GRAMD4: variants seen among roughly 807,000 people sequenced by gnomAD.
The protein encoded by GRAMD4 is GRAM domain-containing protein 4.
Under a neutral mutation model 83.9 loss-of-function variants are expected in GRAMD4, and 25 were observed. That is an observed-to-expected ratio of 0.30 (90% CI 0.22 to 0.42). The LOEUF is 0.42. Ranked by LOEUF, GRAMD4 falls within the 10% of genes least tolerant of loss-of-function variation. GRAMD4 has a pLI of 1.00. For synonymous variants in GRAMD4, 336 were observed against 320.9 expected, an observed-to-expected ratio of 1.05 and a Z score of -0.50; for missense variants, 593 against 788.7, an observed-to-expected ratio of 0.75 and a Z score of 2.97.
chr22:46,620,472 T>C lies in GRAMD4; in HGVS notation c.-143T>C. 2 of 984,956 alleles carry C rather than the reference T, an allele frequency of 2.0e-6. No homozygotes were observed. Among genetic ancestry groups the C allele is most frequent in the Non-Finnish European group, 2.4e-6 (2 of 829,764 alleles). The allele number at this position is 984,956 out of a possible 1,614,324, so 61.0% of individuals were successfully genotyped here. On this transcript the variant is annotated 5_prime_UTR_variant, in exon 1 of 19. Transcript: ENST00000406902. The surrounding 1 kb of genome is among the most constrained non-coding windows in gnomAD (Gnocchi z 4.7). ...GTGTTGGGCGGCTTGGAGGCTATGG[T>C]TCCTGGGTCCTCGTAGCACATCCTG... is the stretch of plus-strand genomic sequence containing the variant.
At chr22:46,607,586 C>G (rs1417998425) in intron 1 of GRAMD4, among the ~76,000 whole-genome samples, 1 of 152,212 alleles carries the variant, frequency 6.6e-6, no homozygotes, top group Non-Finnish European at 1.5e-5. Flanking sequence ...TTGCTCCTCC[C>G]TGGATGCATC....
At chr22:46,591,862 G>A (rs1484067336) in intron 1 of GRAMD4, among the ~76,000 whole-genome samples, 1 of 140,080 alleles carries the variant, frequency 7.1e-6, no homozygotes, top group African/African-American at 2.7e-5. Context: ...ACCCAGAAAG[G>A]CCAACCCCCG....
At chr22:46,585,782 C>T (rs1256259810) in intron 1 of GRAMD4, among the ~76,000 whole-genome samples, 1 of 152,180 alleles carries the variant, frequency 6.6e-6, no homozygotes, top group African/African-American at 2.4e-5. Context: ...GGAGGGCTCC[C>T]TGGAGCGATG....
Position 46,675,564 on chromosome 22 carries a change from T to G in GRAMD4, c.1563+12T>G. On this transcript the variant is annotated intron_variant, in intron 17 of 18. Transcript: ENST00000406902. ...CGGACATCCAGAAGGTTGGTGCACC[T>G]ACCCACCCCCACTAACCCCCGTGTT... The G allele has an allele frequency of 5.8e-6, 9 of 1,541,294 alleles. No individual in the cohort carries two copies. Among genetic ancestry groups the G allele is most frequent in the Non-Finnish European group, 7.2e-6 (8 of 1,113,842 alleles).
intron 2 of GRAMD4, among the ~76,000 whole-genome samples, chr22:46,635,182 G>A (rs531676227): frequency 7.8e-5 from 11 of 141,466 alleles, no homozygotes; most frequent in East Asian, 4.1e-4. Flanking sequence ...CTGGGGAACC[G>A]TGTCCTCCCT....
rs1381118132 is a variant in GRAMD4 at position 46,652,314 on chromosome 22, G to A, written c.284-5873G>A. The stretch of plus-strand genomic sequence containing the variant: ...TTGCTCCCTGGGGGCCGCAAGCCAA[G>A]GAGCACAGGAGCCTCAGGAAGCTGG... On this transcript the variant is annotated intron_variant, in intron 3 of 18. Transcript: ENST00000406902. Among the ~76,000 whole-genome samples, 3 of 152,166 alleles carry A rather than the reference G, an allele frequency of 2.0e-5. No homozygotes were observed. The East Asian group carries it at 5.8e-4, about 29-fold the overall frequency.
At chr22:46,619,173 A>T (rs935176774), upstream of GRAMD4, among the ~76,000 whole-genome samples, 5 of 152,196 alleles carry the variant, frequency 3.3e-5, no homozygotes, top group Non-Finnish European at 5.9e-5. Context: ...TGATGTTGGA[A>T]CAATAGTGGC....
intron 3 of GRAMD4, among the ~76,000 whole-genome samples, chr22:46,640,520 C>T (rs937326003): frequency 3.3e-5 from 5 of 152,168 alleles, no homozygotes; most frequent in African/African-American, 9.7e-5. Context: ...GAGCTGCTGG[C>T]GTCCCTGGAC....
chr22:46,604,544 T>G (rs2081346893), intron 1 of GRAMD4, among the ~76,000 whole-genome samples: 2 of 152,332 alleles, frequency 1.3e-5, no homozygotes, highest in South Asian at 4.1e-4. Flanking sequence ...CACAAAGCAC[T>G]GACTCTCCAG....
At chr22:46,638,228 C>A (rs1380764469) in intron 3 of GRAMD4, among the ~76,000 whole-genome samples, 1 of 152,208 alleles carries the variant, frequency 6.6e-6, no homozygotes, top group Non-Finnish European at 1.5e-5. Context: ...GGCGTGGGGG[C>A]CTTTCCCCTG....
In GRAMD4 at chr22:46,588,034, A is replaced by C. The variant is rs190285152; in HGVS notation, c.-50+10744A>C. ...GAGTGGGTGGTGTCTACTTGGCTCTAGATGTCGGGTTTAGAGAGAGACTCT... is the reference window on the plus strand; with the variant it reads ...GAGTGGGTGGTGTCTACTTGGCTCTCGATGTCGGGTTTAGAGAGAGACTCT... On this transcript the variant is annotated intron_variant, in intron 1 of 1. Transcript: ENST00000431155. The C allele has an allele frequency of 3.1e-3, 2,509 of 803,620 alleles. 50 individuals are homozygous for C. The African/African-American group carries it at 0.043, about 14-fold the overall frequency. The allele number at this position is 803,620 out of a possible 1,614,324, so 49.8% of individuals were successfully genotyped here.
intron 3 of GRAMD4, among the ~76,000 whole-genome samples, chr22:46,650,622 G>A (rs770600520): frequency 9.9e-5 from 15 of 152,266 alleles, no homozygotes; most frequent in Non-Finnish European, 1.8e-4. Context: ...AGATGCTGGG[G>A]AGGCGTGAAG....
intron 13 of GRAMD4, 44 bp downstream of exon 13, chr22:46,668,952 A>C: frequency 1.8e-6 from 2 of 1,107,640 alleles, no homozygotes; most frequent in Non-Finnish European, 2.8e-6. Context: ...GAGGAGGGAC[A>C]CAGGTGTCCG....
intron 1 of GRAMD4, among the ~76,000 whole-genome samples, chr22:46,594,544 G>A (rs1481064817): frequency 6.6e-6 from 1 of 151,546 alleles, no homozygotes; most frequent in Non-Finnish European, 1.5e-5. Flanking sequence ...GGTAGAGGAA[G>A]GGGCATTGCT....
intron 1 of GRAMD4, among the ~76,000 whole-genome samples, chr22:46,579,850 G>T (rs1282273521): frequency 6.6e-6 from 1 of 152,200 alleles, no homozygotes; most frequent in Non-Finnish European, 1.5e-5. Context: ...AGGCGTCCCT[G>T]TATGTGGGCT....
chr22:46,584,534 C>T (rs1311548362), intron 1 of GRAMD4, among the ~76,000 whole-genome samples: 4 of 152,170 alleles, frequency 2.6e-5, no homozygotes, highest in Admixed American at 1.3e-4. Flanking sequence ...AGACTCCCAC[C>T]GCTTGCCACA....
chr22:46,616,194 G>A (rs1181177887), upstream of GRAMD4, among the ~76,000 whole-genome samples: 1 of 83,462 alleles, frequency 1.2e-5, no homozygotes, highest in Non-Finnish European at 2.3e-5. Context: ...CTGTGTGTAC[G>A]TTCCCCTGTA....
intron 1 of GRAMD4, among the ~76,000 whole-genome samples, chr22:46,604,188 A>G (rs9615392): frequency 0.34 from 51,754 of 152,036 alleles, 9,367 homozygotes; most frequent in Non-Finnish European, 0.39. Context: ...TTTGCGTGGC[A>G]GGGCTGGCCT....
At position 46,678,958 on chromosome 22, in the gene GRAMD4, T is replaced by A. The variant is rs1056610178; in HGVS notation, c.*1707T>A. On this transcript the variant is annotated 3_prime_UTR_variant, in exon 19 of 19. Coordinates refer to ENST00000406902, the MANE Select transcript of GRAMD4 (RefSeq NM_015124.5). The stretch of plus-strand genomic sequence containing the variant: ...TGACCACACGGCGGCCTTTCCCGAA[T>A]GGGGACAGAACCCGCTCTGAGCCGT... The A allele has an allele frequency of 4.1e-6, 4 of 985,622 alleles. No individual in the cohort carries two copies. The highest frequency in any genetic ancestry group is 1.7e-5 in the African/African-American group (1 of 57,240). The allele number at this position is 985,622 out of a possible 1,614,324, so 61.1% of individuals were successfully genotyped here.
Sources: allele counts gnomAD v4.1 joint callset (sites outside exome capture counted in the v4.1 genomes callset), GRCh38; gene constraint gnomAD v4.1.1; non-coding constraint Gnocchi (gnomAD v3.1); transcripts MANE v1.5; gene names NCBI Gene and HGNC (gene_info 2026-07-23, HGNC 2026-07-21).